The following SPTBN5 variants were observed in gnomAD, a reference collection of about 807,000 sequenced individuals.
The protein encoded by SPTBN5 is spectrin beta, non-erythrocytic 5.
In SPTBN5, 513 loss-of-function variants were observed where a neutral mutation model predicts 477.6. The observed-to-expected ratio is 1.07, with a 90% CI of 1.00 to 1.16. The LOEUF is 1.16. Among genes scored for constraint, SPTBN5 ranks in the 50% most tolerant of loss-of-function variants. SPTBN5 has a pLI of 0.00. For missense variants in SPTBN5, 5,062 were observed against 4,731.8 expected, an observed-to-expected ratio of 1.07 and a Z score of -2.05; for synonymous variants, 2,169 against 2,011.7, an observed-to-expected ratio of 1.08 and a Z score of -2.09.
In SPTBN5 at chr15:41,854,037, G is replaced by A. The variant is rs373210719; in HGVS notation, c.9774+13C>T. On this transcript the variant is annotated intron_variant, in intron 57 of 67. Transcript: ENST00000320955. The stretch of plus-strand genomic sequence containing the variant: ...GGGGCTCAGACAGGCAGGCTGCAGG[G>A]CGTGGGCCTCACCTCCAGGCGCCTG... The A allele has an allele frequency of 1.7e-4, 259 of 1,552,160 alleles. No individual in the cohort carries two copies. The highest frequency in any genetic ancestry group is 2.1e-4 in the Non-Finnish European group (237 of 1,153,194).
At chr15:41,850,534 G>A (rs746219459) in intron 66 of SPTBN5, 6 of 366,820 alleles carry the variant, frequency 1.6e-5, no homozygotes, top group Non-Finnish European at 2.5e-5. Context: ...AGCCCTTGGA[G>A]GAACACAGTC....
Position 41,874,934 on chromosome 15 carries a change from G to A in SPTBN5, c.4410C>T (p.Thr1470=), listed in dbSNP as rs2066672086. ...CGAGGGCAGCCATCTTGGCAGCCAGGGTCCGGCTCTCACTCTCCAGCTGTT... is the reference window on the plus strand; with the variant it reads ...CGAGGGCAGCCATCTTGGCAGCCAGAGTCCGGCTCTCACTCTCCAGCTGTT... ...RHQQLESESR[T]LAAKMAALAS... The change falls in exon 23 of 68, where the codon ACC becomes ACT. Residue 1470 remains threonine, a synonymous_variant. Coordinates refer to ENST00000320955, the MANE Select transcript of SPTBN5 (RefSeq NM_016642.4). 3.1e-6 allele frequency: 5 copies of A among 1,613,510 alleles called. No individual in the cohort carries two copies. Among genetic ancestry groups the A allele is most frequent in the Non-Finnish European group, 2.5e-6 (3 of 1,179,856 alleles).
rs1156809559 is a variant in SPTBN5, at chr15:41,882,675, T to TTCC, written c.1953_1955dup (p.Glu652dup). The TTCC allele has an allele frequency of 6.2e-7, 1 of 1,608,900 alleles. No individual in the cohort carries two copies. The highest frequency in any genetic ancestry group is 8.5e-7 in the Non-Finnish European group (1 of 1,178,100). ...GCTGTCCGCACTCCTTCAGCCAGGC[T>TTCC]TCCTCCTCCTCACAGTTGCGCAGGA... On this transcript the variant is annotated inframe_insertion, in exon 10 of 68. Coordinates refer to ENST00000320955, the MANE Select transcript of SPTBN5 (RefSeq NM_016642.4).
rs565010963 is a variant in SPTBN5, at chr15:41,850,109, G to C, written c.10922-150C>G. 5.9e-5 allele frequency: 40 copies of C among 673,810 alleles called. 1 individual carries two copies. The highest frequency in any genetic ancestry group is 5.2e-6 in the Non-Finnish European group (2 of 382,466). The allele number at this position is 673,810 out of a possible 1,614,324, so 41.7% of individuals were successfully genotyped here. ...CCCTTCCCACGTGGGGGTGTGGGGC[G>C]GGCTGAGCACTTGTGGGCAGGTTTT... On this transcript the variant is annotated intron_variant, in intron 66 of 67. Transcript: ENST00000320955.
Position 41,862,885 on chromosome 15 carries a change from G to A in SPTBN5, c.7168C>T (p.Leu2390=), listed in dbSNP as rs765740971. Residue 2390 remains leucine, a synonymous_variant, in exon 42 of 68, where the codon CTG becomes TTG. Coordinates refer to ENST00000320955, the MANE Select transcript of SPTBN5 (RefSeq NM_016642.4). ...IQEKEALIQA[L]DCGKDLESVQ... ...CTCTCCAGATCTTTCCCACAGTCCA[G>A]GGCCTGGATCAGGGCTTCCTGGAGG... The A allele has an allele frequency of 6.3e-7, 1 of 1,583,346 alleles. No individual in the cohort carries two copies. The highest frequency in any genetic ancestry group is 8.6e-7 in the Non-Finnish European group (1 of 1,165,458).
chr15:41,878,415 C>G lies in SPTBN5; in HGVS notation c.3397G>C (p.Asp1133His), dbSNP rs775571399. ...AGCAGCCGCTGAGCCGAGGCCACAT[C>G]CACTGACACCTCCTTGCTGCGCAGC... ...AQLRSKEVSV[D>H]VASAQRLLRE... The change falls in exon 17 of 68, where the codon GAT becomes CAT. Residue 1133 changes from aspartate to histidine, a missense_variant. Physicochemically the swap from Asp to His is moderately conservative, Grantham distance 81. Coordinates refer to ENST00000320955, the MANE Select transcript of SPTBN5 (RefSeq NM_016642.4). 6.2e-7 allele frequency: 1 copy of G among 1,613,832 alleles called. No homozygotes were observed. Among genetic ancestry groups the G allele is most frequent in the Admixed American group, 1.7e-5 (1 of 60,024 alleles).
At chr15:41,851,995 A>G in intron 62 of SPTBN5, 145 bp from the exon 63 acceptor site, 1 of 913,394 alleles carries the variant, frequency 1.1e-6, no homozygotes, top group Non-Finnish European at 1.7e-6. Context: ...AGATCAGATG[A>G]GATCGGGCAT....
rs779580372 is a variant in SPTBN5 at position 41,877,183 on chromosome 15, C to G, written c.3644G>C (p.Arg1215Pro). Residue 1215 changes from arginine (R) to proline (P), a missense_variant, in exon 18 of 68, where the codon CGA becomes CCA. Coordinates refer to ENST00000320955, the MANE Select transcript of SPTBN5 (RefSeq NM_016642.4). Reference protein sequence around the residue: ...QEGLELQKFGREVDGFTATCA... With the variant: ...QEGLELQKFGPEVDGFTATCA... ...GGTGGCAGTGAAACCATCCACTTCT[C>G]GGCCAAACTTCTGCAGCTCCAGCCC... 1 of 1,613,990 alleles carries G rather than the reference C, an allele frequency of 6.2e-7. No homozygotes were observed.
intron 9 of SPTBN5, 113 bp from the exon 10 acceptor site, chr15:41,882,851 G>A: frequency 2.1e-6 from 3 of 1,407,636 alleles, no homozygotes; most frequent in Non-Finnish European, 1.9e-6. Flanking sequence ...TTCCCTGGAT[G>A]ACTCAACAGG....
chr15:41,878,726 T>TCAGCACCACTCTCCCTG, intron 16 of SPTBN5, 97 bp from the exon 17 acceptor site: 1 of 1,356,094 alleles, frequency 7.4e-7, no homozygotes, highest in Non-Finnish European at 9.9e-7. Flanking sequence ...CCAGGGAGAG[T>TCAGCACCACTCTCCCTG]GGTGCTGACT....
Position 41,874,404 on chromosome 15 carries a change from C to G in SPTBN5, c.4577G>C (p.Cys1526Ser). 6.2e-7 allele frequency: 1 copy of G among 1,613,694 alleles called. No homozygotes were observed. The highest frequency in any genetic ancestry group is 8.5e-7 in the Non-Finnish European group (1 of 1,179,866). Residue 1526 changes from cysteine (C) to serine (S), a missense_variant, in exon 24 of 68, where the codon TGC becomes TCC. Coordinates refer to ENST00000320955, the MANE Select transcript of SPTBN5 (RefSeq NM_016642.4). ...AGAGAGCTCCATGTTGCTCAGGTGG[C>G]AGAACTGGTGCAGCTCCACTGAGGC... ...LQASVELHQF[C>S]HLSNMELSWV...
chr15:41,887,495 T>A, intron 5 of SPTBN5, 54 bp from the exon 6 acceptor site: 1 of 1,382,110 alleles, frequency 7.2e-7, no homozygotes, highest in Non-Finnish European at 1.0e-6. Flanking sequence ...TGCTTTCCTT[T>A]AAGTAGATTC....
intron 14 of SPTBN5, 69 bp downstream of exon 14, chr15:41,880,091 G>C (rs149848931): frequency 6.6e-7 from 1 of 1,505,646 alleles, no homozygotes; most frequent in Non-Finnish European, 8.9e-7. Context: ...GGAAAACTGA[G>C]TCACAGCAGC....
At position 41,848,386 on chromosome 15, in the gene SPTBN5, C is replaced by T. The variant is rs1263970930; in HGVS notation, c.*230G>A. 3.3e-6 allele frequency: 2 copies of T among 614,668 alleles called. No homozygotes were observed. Among genetic ancestry groups the T allele is most frequent in the East Asian group, 2.8e-5 (1 of 35,398 alleles). The allele number at this position is 614,668 out of a possible 1,614,324, so 38.1% of individuals were successfully genotyped here. Reference sequence around the variant, plus strand: ...CACCTGCTCTGCCGTAACACGTCTCCTCTTCACCCAGACAGGAATGCAGGG... The same window carrying T: ...CACCTGCTCTGCCGTAACACGTCTCTTCTTCACCCAGACAGGAATGCAGGG... On this transcript the variant is annotated 3_prime_UTR_variant, in exon 68 of 68. Coordinates refer to ENST00000320955, the MANE Select transcript of SPTBN5 (RefSeq NM_016642.4).
chr15:41,886,025 C>G lies in SPTBN5; in HGVS notation c.1230G>C (p.Arg410Ser). ...GTAGCCTCTGCTGCAGGGCCTGGCT[C>G]CTTGCAGCCTCTGCCCACTCCAGCC... ...WAGLEWAEAARSQALQQRLLQ... is the reference protein window; with the variant it reads ...WAGLEWAEAASSQALQQRLLQ... Residue 410 changes from arginine (R) to serine (S), a missense_variant, in exon 7 of 68, where the codon AGG becomes AGC. Physicochemically the swap from Arg to Ser is moderately radical, Grantham distance 110. Transcript: ENST00000320955. 1 of 1,559,316 alleles carries G rather than the reference C, an allele frequency of 6.4e-7. No homozygotes were observed. Among genetic ancestry groups the G allele is most frequent in the South Asian group, 1.2e-5 (1 of 84,738 alleles).
chr15:41,892,919 C>A lies in SPTBN5; in HGVS notation c.359G>T (p.Arg120Leu). The A allele has an allele frequency of 1.2e-6, 2 of 1,605,258 alleles. No homozygotes were observed. Among genetic ancestry groups the A allele is most frequent in the Non-Finnish European group, 1.7e-6 (2 of 1,178,540 alleles). The change falls in exon 3 of 68, where the codon CGA (arginine) becomes CTA (leucine). Residue 120 changes from arginine to leucine, a missense_variant. Arg to Leu is a moderately radical substitution (Grantham distance 102). Transcript: ENST00000320955. Reference sequence around the variant, plus strand: ...CTTGGCCCTGAGGAAGGCCAGAGCTCGGCTGCTGTTCTCCAGGAAGTGCAC... The same window carrying A: ...CTTGGCCCTGAGGAAGGCCAGAGCTAGGCTGCTGTTCTCCAGGAAGTGCAC... ...LRVHFLENSS[R>L]ALAFLRAKVP... is the part of the protein sequence containing the mutation.
Position 41,878,603 on chromosome 15 carries a change from C to T in SPTBN5, c.3209G>A (p.Ser1070Asn). 1.9e-6 allele frequency: 3 copies of T among 1,612,152 alleles called. No homozygotes were observed. Among genetic ancestry groups the T allele is most frequent in the Non-Finnish European group, 2.5e-6 (3 of 1,179,482 alleles). ...VKVEEPGYAE[S>N]QPLQGQVETL... ...CTCCACCTGTCCTTGCAGAGGCTGG[C>T]TCTCTGCGTAGCCTGGCTCCTCGAC... Residue 1070 changes from serine to asparagine, a missense_variant, in exon 17 of 68, where the codon AGC becomes AAC. Coordinates refer to ENST00000320955, the MANE Select transcript of SPTBN5 (RefSeq NM_016642.4).
At chr15:41,882,493 C>G (rs754278860) in intron 10 of SPTBN5, 24 bp from the exon 11 acceptor site, 484 of 1,561,532 alleles carry the variant, frequency 3.1e-4, no homozygotes, top group Non-Finnish European at 4.0e-4. Flanking sequence ...GAGCAGGGGG[C>G]TCAGTGAAGG....
intron 17 of SPTBN5, among the ~76,000 whole-genome samples, chr15:41,877,566 C>T (rs142593199): frequency 4.8e-4 from 73 of 152,348 alleles, no homozygotes; most frequent in African/African-American, 1.6e-3. Flanking sequence ...AGCCGATGCC[C>T]GGCCTAGAGG....
Sources: allele counts gnomAD v4.1 joint callset (sites outside exome capture counted in the v4.1 genomes callset), GRCh38; gene constraint gnomAD v4.1.1; transcripts MANE v1.5; gene names NCBI Gene and HGNC (gene_info 2026-07-23, HGNC 2026-07-21).